Variants in CDH13 observed in about 807,000 individuals in gnomAD.
CDH13 encodes cadherin 13, also known as cadherin-13.
Under a neutral mutation model 63.8 loss-of-function variants are expected in CDH13, and 24 were observed. The observed-to-expected ratio is 0.38, with a 90% CI of 0.27 to 0.53. The LOEUF is 0.53. Among genes scored for constraint, CDH13 ranks in the 20% least tolerant of loss-of-function variants. CDH13 has a pLI of 0.85. For missense variants in CDH13, 1,049 were observed against 903.1 expected (o/e 1.16, Z -2.07); for synonymous variants, 503 against 355.3 (o/e 1.42, Z -4.67).
intron 1 of CDH13, among the ~76,000 whole-genome samples, chr16:82,657,114 G>C (rs1911389128): frequency 6.6e-6 from 1 of 152,068 alleles, no homozygotes; most frequent in Non-Finnish European, 1.5e-5. Flanking sequence ...TGGGGAATAA[G>C]TTCCCAGACA....
At chr16:83,028,147 C>T (rs1334539409) in intron 2 of CDH13, among the ~76,000 whole-genome samples, 6 of 152,144 alleles carry the variant, frequency 3.9e-5, no homozygotes, top group African/African-American at 1.2e-4. Context: ...CTCATGCTGG[C>T]GATTGAAGCA....
At chr16:82,732,313 C>T (rs918476907) in intron 1 of CDH13, among the ~76,000 whole-genome samples, 3 of 152,078 alleles carry the variant, frequency 2.0e-5, no homozygotes, top group Non-Finnish European at 2.9e-5. Flanking sequence ...AGTGTCAGCT[C>T]CATCCAGCCC....
At position 82,752,307 on chromosome 16, in the gene CDH13, A is replaced by G. The variant is rs143074106; in HGVS notation, c.46-106055A>G. On this transcript the variant is annotated intron_variant, in intron 1 of 13. Coordinates refer to ENST00000567109, the MANE Select transcript of CDH13 (RefSeq NM_001257.5). ...TAACTTCTGTTCAAAGAGCCCGCCAATGATGGATAGAGAGCGGCGTGCAGA... is the reference window on the plus strand; with the variant it reads ...TAACTTCTGTTCAAAGAGCCCGCCAGTGATGGATAGAGAGCGGCGTGCAGA... Among the ~76,000 whole-genome samples, 214 of 152,332 alleles carry G rather than the reference A, an allele frequency of 1.4e-3. 1 individual carries two copies. The highest frequency in any genetic ancestry group is 3.7e-3 in the Admixed American group (56 of 15,306).
At chr16:83,249,640 C>T (rs890854475) in intron 5 of CDH13, among the ~76,000 whole-genome samples, 4 of 152,172 alleles carry the variant, frequency 2.6e-5, no homozygotes, top group African/African-American at 9.7e-5. Flanking sequence ...AGGTCCATGC[C>T]ATCGAAGTAG....
chr16:83,500,040 C>T (rs553381199), intron 7 of CDH13, among the ~76,000 whole-genome samples: 9 of 151,908 alleles, frequency 5.9e-5, no homozygotes, highest in East Asian at 3.9e-4. Context: ...TGACTTCAGG[C>T]GATCCGCCCA....
intron 8 of CDH13, among the ~76,000 whole-genome samples, chr16:83,616,470 A>G (rs1229347593): frequency 2.0e-5 from 3 of 152,174 alleles, no homozygotes; most frequent in Non-Finnish European, 2.9e-5. Flanking sequence ...TGACAATAAA[A>G]GCAATTTTTC....
chr16:83,199,288 C>T (rs571852825), intron 4 of CDH13, among the ~76,000 whole-genome samples: 1 of 152,294 alleles, frequency 6.6e-6, no homozygotes, highest in African/African-American at 2.4e-5. Context: ...TCATCCTTTT[C>T]CTGAAGCCTG....
intron 1 of CDH13, among the ~76,000 whole-genome samples, chr16:82,630,940 G>A (rs1907934167): frequency 6.6e-6 from 1 of 152,078 alleles, no homozygotes; most frequent in Non-Finnish European, 1.5e-5. Flanking sequence ...TGAATCTACA[G>A]CTCATTTTAA....
chr16:83,770,192 G>C (rs571019880), intron 11 of CDH13, among the ~76,000 whole-genome samples: 2 of 152,106 alleles, frequency 1.3e-5, no homozygotes, highest in Admixed American at 1.3e-4. Context: ...CCCACACAAA[G>C]CAATATACTG....
At chr16:82,904,115 T>G (rs1228697562) in intron 2 of CDH13, among the ~76,000 whole-genome samples, 1 of 152,140 alleles carries the variant, frequency 6.6e-6, no homozygotes, top group African/African-American at 2.4e-5. Flanking sequence ...TAATAAGCAA[T>G]TAGAGTGAGA....
chr16:83,391,009 A>G (rs79361766), intron 6 of CDH13, among the ~76,000 whole-genome samples: 5,654 of 152,228 alleles, frequency 0.037, 128 homozygotes, highest in Non-Finnish European at 0.054. Context: ...TGCTGATTCA[A>G]ACCATACAAA....
At chr16:82,784,875 C>A (rs1408263159) in intron 1 of CDH13, among the ~76,000 whole-genome samples, 1 of 152,194 alleles carries the variant, frequency 6.6e-6, no homozygotes, top group Non-Finnish European at 1.5e-5. Context: ...ACATTTTAGA[C>A]CCTTCCTCCA....
intron 6 of CDH13, among the ~76,000 whole-genome samples, chr16:83,417,764 T>C (rs1319218967): frequency 6.6e-6 from 1 of 152,206 alleles, no homozygotes; most frequent in Non-Finnish European, 1.5e-5. Flanking sequence ...TCTCCTGTTA[T>C]ATAAGCAATC....
At chr16:82,866,491 C>A (rs368682210) in intron 2 of CDH13, among the ~76,000 whole-genome samples, 2 of 138,638 alleles carry the variant, frequency 1.4e-5, no homozygotes, top group Non-Finnish European at 3.0e-5. Context: ...CGGGTTCAAG[C>A]GATTCTCCTG....
chr16:83,379,743 G>C (rs144913495), intron 6 of CDH13, among the ~76,000 whole-genome samples: 1 of 151,900 alleles, frequency 6.6e-6, no homozygotes, highest in African/African-American at 2.4e-5. Flanking sequence ...AAACCACTAC[G>C]TTGTAAATTG....
intron 6 of CDH13, among the ~76,000 whole-genome samples, chr16:83,393,023 G>A (rs1441274853): frequency 2.0e-5 from 3 of 152,094 alleles, no homozygotes; most frequent in African/African-American, 7.2e-5. Flanking sequence ...ATTCAGACCT[G>A]CCAATAGCCC....
intron 1 of CDH13, among the ~76,000 whole-genome samples, chr16:82,681,537 T>G (rs1914544221): frequency 1.3e-5 from 2 of 152,254 alleles, no homozygotes; most frequent in Non-Finnish European, 2.9e-5. Context: ...AAAGAATTTT[T>G]CTCTCATAAT....
chr16:83,696,945 CT>C (rs1241081600), intron 10 of CDH13, among the ~76,000 whole-genome samples: 6 of 152,322 alleles, frequency 3.9e-5, no homozygotes, highest in African/African-American at 1.4e-4. Flanking sequence ...CAGGAAGCCC[CT>C]GGCTGGCCTC....
chr16:82,847,998 G>A (rs936790556), intron 1 of CDH13, among the ~76,000 whole-genome samples: 5 of 151,180 alleles, frequency 3.3e-5, no homozygotes, highest in Admixed American at 6.6e-5. Context: ...TCTAAATTTA[G>A]CATTTCATTT....
Sources: gnomAD v4.1 joint callset for allele counts (sites outside exome capture counted in the v4.1 genomes callset) on GRCh38, gnomAD v4.1.1 for gene constraint, MANE v1.5 for transcripts, NCBI Gene and HGNC (gene_info 2026-07-23, HGNC 2026-07-21) for gene names.